Variants in ADCY8 observed in about 807,000 individuals in gnomAD.
The protein encoded by ADCY8 is adenylate cyclase 8.
ADCY8 carries 51 observed loss-of-function variants against 119.7 expected under a neutral mutation model. The observed-to-expected ratio is 0.43, with a 90% CI of 0.34 to 0.54. The LOEUF (loss-of-function observed/expected upper bound fraction) is 0.54. ADCY8 is among the 20% of genes least tolerant of loss of function. The pLI is 0.03. For missense variants in ADCY8, 1,383 were observed against 1,598.8 expected, an observed-to-expected ratio of 0.87 and a Z score of 2.30; for synonymous variants, 665 against 651.0, an observed-to-expected ratio of 1.02 and a Z score of -0.33.
intron 2 of ADCY8, among the ~76,000 whole-genome samples, chr8:130,966,922 G>A (rs1821779263): frequency 6.6e-6 from 1 of 152,116 alleles, no homozygotes; most frequent in Non-Finnish European, 1.5e-5. Context: ...TTTAATCATT[G>A]TTTTTGAACT....
intron 9 of ADCY8, among the ~76,000 whole-genome samples, chr8:130,863,508 T>C (rs528020793): frequency 1.7e-4 from 26 of 152,120 alleles, no homozygotes; most frequent in Non-Finnish European, 3.2e-4. Flanking sequence ...TTTGTAACTA[T>C]CTTTTTCATC....
In ADCY8 at chr8:130,839,199, G is replaced by T. The variant is rs995438850; in HGVS notation, c.2503-2750C>A. Among the ~76,000 whole-genome samples the T allele has an allele frequency of 1.4e-5, 2 of 139,150 alleles. 1 individual carries two copies. Among genetic ancestry groups the T allele is most frequent in the Non-Finnish European group, 3.2e-5 (2 of 61,708 alleles). 91.3% of individuals were successfully genotyped at this position (139,150 alleles called of 152,430 possible). ...TTGCCCTCCTCCTTTCTCTAACAAGGCTGCTGAAGGTATAATAGGCAAATA... is the reference window on the plus strand; with the variant it reads ...TTGCCCTCCTCCTTTCTCTAACAAGTCTGCTGAAGGTATAATAGGCAAATA... On this transcript the variant is annotated intron_variant, in intron 11 of 17. Transcript: ENST00000286355.
At chr8:130,834,941 G>T (rs1018427423) in intron 12 of ADCY8, among the ~76,000 whole-genome samples, 11 of 152,098 alleles carry the variant, frequency 7.2e-5, no homozygotes, top group Non-Finnish European at 1.2e-4. Flanking sequence ...AATAATACTA[G>T]AGAAAGGAAT....
chr8:130,867,727 G>T (rs543137764), intron 9 of ADCY8, 119 bp downstream of exon 9: 43 of 575,190 alleles, frequency 7.5e-5, no homozygotes, highest in African/African-American at 7.4e-4. Context: ...AAACATTTTG[G>T]TATGCGTCCT....
chr8:130,807,920 C>T (rs1816021701), intron 14 of ADCY8, among the ~76,000 whole-genome samples: 1 of 116,628 alleles, frequency 8.6e-6, no homozygotes, highest in Admixed American at 1.2e-4. Flanking sequence ...GGAGGCGGAG[C>T]TTGCAGTGAG....
chr8:130,879,869 C>T (rs983201464), intron 8 of ADCY8, among the ~76,000 whole-genome samples: 3 of 152,108 alleles, frequency 2.0e-5, no homozygotes, highest in African/African-American at 7.2e-5. Flanking sequence ...TGGTTTGGCT[C>T]TCTGTCCCCA....
At chr8:131,037,341 A>G (rs1302019294) in intron 1 of ADCY8, among the ~76,000 whole-genome samples, 1 of 152,250 alleles carries the variant, frequency 6.6e-6, no homozygotes, top group Non-Finnish European at 1.5e-5. Context: ...ATCTTCTCCC[A>G]TCTGGTAGTA....
At chr8:130,951,734 T>G in intron 3 of ADCY8, 134 bp downstream of exon 3, 1 of 1,027,048 alleles carries the variant, frequency 9.7e-7, no homozygotes, top group Non-Finnish European at 1.4e-6. Flanking sequence ...GAATAATCAC[T>G]AGGTAATGAA....
chr8:131,028,093 G>C (rs1280592335), intron 1 of ADCY8, among the ~76,000 whole-genome samples: 1 of 152,242 alleles, frequency 6.6e-6, no homozygotes, highest in Non-Finnish European at 1.5e-5. Context: ...TGGGTCAGGA[G>C]TGTTGAACTA....
intron 1 of ADCY8, among the ~76,000 whole-genome samples, chr8:131,003,206 T>TCTCACA (rs372048150): frequency 0.024 from 3,334 of 137,524 alleles, 79 homozygotes; most frequent in East Asian, 0.12. Flanking sequence ...TGAAACACCA[T>TCTCACA]CACACACACA....
chr8:131,024,096 T>G (rs1311054990), intron 1 of ADCY8, among the ~76,000 whole-genome samples: 1 of 152,150 alleles, frequency 6.6e-6, no homozygotes, highest in Non-Finnish European at 1.5e-5. Flanking sequence ...TGTGCAATGC[T>G]CATTATTGCC....
intron 14 of ADCY8, among the ~76,000 whole-genome samples, chr8:130,804,087 T>C (rs1412892470): frequency 6.6e-6 from 1 of 152,268 alleles, no homozygotes; most frequent in African/African-American, 2.4e-5. Context: ...TCAGAGATCC[T>C]GCTTAAGTAA....
intron 15 of ADCY8, among the ~76,000 whole-genome samples, chr8:130,787,742 G>GT (rs1414843813): frequency 6.6e-6 from 1 of 151,434 alleles, no homozygotes; most frequent in Non-Finnish European, 1.5e-5. Context: ...GTGCATGTGT[G>GT]TGTTGTTTTC....
At chr8:131,010,160 T>A (rs1285812589) in intron 1 of ADCY8, among the ~76,000 whole-genome samples, 1 of 152,228 alleles carries the variant, frequency 6.6e-6, no homozygotes, top group Non-Finnish European at 1.5e-5. Context: ...ATATGTCCAA[T>A]TCTGAACCTC....
intron 13 of ADCY8, among the ~76,000 whole-genome samples, chr8:130,817,044 G>T (rs918897379): frequency 2.6e-5 from 4 of 151,900 alleles, no homozygotes; most frequent in Non-Finnish European, 5.9e-5. Flanking sequence ...GCTGCCAGAG[G>T]GAAATACCCT....
chr8:130,886,715 G>C (rs72714422), intron 7 of ADCY8, among the ~76,000 whole-genome samples: 11,848 of 152,130 alleles, frequency 0.078, 512 homozygotes, highest in Non-Finnish European at 0.1. Context: ...GAGGAAATCT[G>C]CTACAACATC....
chr8:131,013,106 T>A (rs902717377), intron 1 of ADCY8, among the ~76,000 whole-genome samples: 1 of 152,216 alleles, frequency 6.6e-6, no homozygotes, highest in African/African-American at 2.4e-5. Flanking sequence ...CCCTCATTCA[T>A]TCACTTTATA....
chr8:130,808,299 T>C (rs1816042078), intron 14 of ADCY8, among the ~76,000 whole-genome samples: 1 of 152,058 alleles, frequency 6.6e-6, no homozygotes, highest in African/African-American at 2.4e-5. Flanking sequence ...AATAAATACT[T>C]GAGGAAGGAA....
At chr8:130,828,548 T>C (rs893790137) in intron 12 of ADCY8, among the ~76,000 whole-genome samples, 23 of 152,320 alleles carry the variant, frequency 1.5e-4, no homozygotes, top group Middle Eastern at 3.4e-3. Flanking sequence ...CCTAGTGGAA[T>C]AGGGATCCTT....
Sources: allele counts gnomAD v4.1 joint callset (sites outside exome capture counted in the v4.1 genomes callset), GRCh38; gene constraint gnomAD v4.1.1; transcripts MANE v1.5; gene names NCBI Gene and HGNC (gene_info 2026-07-23, HGNC 2026-07-21).